Variants in CYLD observed in about 807,000 individuals in gnomAD.
CYLD encodes the protein ubiquitin carboxyl-terminal hydrolase CYLD.
CYLD carries 26 observed loss-of-function variants against 104.5 expected under a neutral mutation model. That is an observed-to-expected ratio of 0.25 (90% CI 0.18 to 0.35). The LOEUF is 0.35. Ranked by LOEUF, CYLD falls within the 10% of genes least tolerant of loss-of-function variation. The probability of loss-of-function intolerance (pLI) is 1.00; values close to 1 mark genes in which losing one functional copy is unlikely to be tolerated. For synonymous variants in CYLD, 385 were observed against 399.9 expected (o/e 0.96, Z 0.45); for missense variants, 703 against 1,136.1 (o/e 0.62, Z 5.48).
In CYLD at chr16:50,797,518, G is replaced by A; in HGVS notation, c.*1010G>A. The A allele has an allele frequency of 4.3e-6, 1 of 232,480 alleles. No individual in the cohort carries two copies. Among genetic ancestry groups the A allele is most frequent in the East Asian group, 6.1e-5 (1 of 16,516 alleles). 14.4% of individuals were successfully genotyped at this position (232,480 alleles called of 1,614,324 possible). A position where few individuals can be genotyped will look rare whatever the true frequency, so the allele number is the denominator to read the frequency against. On this transcript the variant is annotated 3_prime_UTR_variant, in exon 19 of 19. Coordinates refer to ENST00000427738, the MANE Select transcript of CYLD (RefSeq NM_001378743.1). ...ATAGAATCAGATATGTTATCGAAAT[G>A]TTAGCAGCAGCTTCATCCTCCTTCT...
chr16:50,751,342 C>T (rs956425481), intron 3 of CYLD, among the ~76,000 whole-genome samples: 3 of 152,154 alleles, frequency 2.0e-5, no homozygotes, highest in Non-Finnish European at 4.4e-5. Flanking sequence ...ATGTTAGAAT[C>T]ACAACGTGGA....
At chr16:50,743,404 T>C (rs775255858) in intron 2 of CYLD, among the ~76,000 whole-genome samples, 1 of 152,214 alleles carries the variant, frequency 6.6e-6, no homozygotes, top group Non-Finnish European at 1.5e-5. Context: ...GAAATTCTTA[T>C]TGAAGTAACA....
In CYLD at chr16:50,749,671, G is replaced by T. The variant is rs1439073337; in HGVS notation, c.-28G>T. 1.2e-6 allele frequency: 2 copies of T among 1,606,572 alleles called. No homozygotes were observed. Among genetic ancestry groups the T allele is most frequent in the South Asian group, 1.1e-5 (1 of 90,174 alleles). On this transcript the variant is annotated 5_prime_UTR_variant, in exon 3 of 19. It removes the in-frame stop codon of an upstream open reading frame in the 5' UTR. Coordinates refer to ENST00000427738, the MANE Select transcript of CYLD (RefSeq NM_001378743.1). ...AAGTTATTAGTAGTTTCCCTTTTTT[G>T]AATTAGTATTTTGAAGTTAATATCA...
At chr16:50,792,551 G>GT (rs775440880) in intron 15 of CYLD, 46 bp from the exon 16 acceptor site, 76 of 1,402,878 alleles carry the variant, frequency 5.4e-5, no homozygotes, top group Non-Finnish European at 6.2e-5. Context: ...AGGGAAAAGT[G>GT]TTTTTTTTAA....
At chr16:50,756,603 C>G (rs780061002) in intron 5 of CYLD, among the ~76,000 whole-genome samples, 1 of 152,154 alleles carries the variant, frequency 6.6e-6, no homozygotes, top group Non-Finnish European at 1.5e-5. Flanking sequence ...TAGTGGAACT[C>G]TCTGTGATAC....
intron 3 of CYLD, among the ~76,000 whole-genome samples, chr16:50,750,871 T>G (rs1295171371): frequency 6.6e-6 from 1 of 152,170 alleles, no homozygotes; most frequent in African/African-American, 2.4e-5. Context: ...TTGCAGAAAT[T>G]TAAACTTGCT....
intron 14 of CYLD, among the ~76,000 whole-genome samples, chr16:50,789,606 A>T (rs1371616168): frequency 3.9e-5 from 6 of 152,156 alleles, no homozygotes. Flanking sequence ...TCATATTGAG[A>T]ATCACTTTTT....
At position 50,796,313 on chromosome 16, in the gene CYLD, C is replaced by T; in HGVS notation, c.2687-11C>T. The T allele has an allele frequency of 6.2e-7, 1 of 1,613,962 alleles. No individual in the cohort carries two copies. On this transcript the variant is annotated splice_polypyrimidine_tract_variant and intron_variant, in intron 18 of 18. Transcript: ENST00000427738. ...GACTGCCCTATAAAGAGTTCTTCCT[C>T]TGTGCCATAGGTGGTCAGAATGGCT...
chr16:50,763,547 T>G (rs1386881331), intron 5 of CYLD, among the ~76,000 whole-genome samples: 1 of 152,208 alleles, frequency 6.6e-6, no homozygotes, highest in Non-Finnish European at 1.5e-5. Context: ...TTATCTGACT[T>G]TTTTATTCTA....
At position 50,750,126 on chromosome 16, in the gene CYLD, C is replaced by A. The variant is rs754799573; in HGVS notation, c.428C>A (p.Pro143His). The A allele has an allele frequency of 6.2e-7, 1 of 1,614,100 alleles. No individual in the cohort carries two copies. Among genetic ancestry groups the A allele is most frequent in the Non-Finnish European group, 8.5e-7 (1 of 1,179,986 alleles). Reference sequence around the variant, plus strand: ...CTGAGATCTGGGGAAGAAAAATTTCCTGGAGTTGTACGCTTCAGAGGACCC... The same window carrying A: ...CTGAGATCTGGGGAAGAAAAATTTCATGGAGTTGTACGCTTCAGAGGACCC... ...VQLRSGEEKF[P>H]GVVRFRGPLL... The change falls in exon 3 of 19, where the codon CCT (proline) becomes CAT (histidine). Residue 143 changes from proline (P) to histidine (H), a missense_variant. Pro to His is a moderately conservative substitution (Grantham distance 77). Transcript: ENST00000427738.
At chr16:50,750,342 T>A in intron 3 of CYLD, 140 bp downstream of exon 3, 1 of 983,542 alleles carries the variant, frequency 1.0e-6, no homozygotes. Flanking sequence ...ATATTCATCA[T>A]CCTTGCTGAT....
chr16:50,750,486 A>C (rs1247188389), intron 3 of CYLD, among the ~76,000 whole-genome samples: 1 of 152,202 alleles, frequency 6.6e-6, no homozygotes, highest in Non-Finnish European at 1.5e-5. Flanking sequence ...TTCCAAGCTT[A>C]ATATTCATTC....
intron 6 of CYLD, among the ~76,000 whole-genome samples, chr16:50,775,412 G>A (rs1199219804): frequency 6.6e-6 from 1 of 152,112 alleles, no homozygotes; most frequent in African/African-American, 2.4e-5. Context: ...TTATTGTTGT[G>A]TGTCTCTGGC....
intron 5 of CYLD, among the ~76,000 whole-genome samples, chr16:50,770,551 A>G (rs1969035096): frequency 6.6e-6 from 1 of 151,456 alleles, no homozygotes; most frequent in African/African-American, 2.4e-5. Flanking sequence ...CCTGGGTTCA[A>G]GTGATTCTCC....
rs1289148362 is a variant in CYLD, at chr16:50,782,543, CGTGTGAGTGTGT to C, written c.1826+81_1826+92del. 5 of 1,221,476 alleles carry C rather than the reference CGTGTGAGTGTGT, an allele frequency of 4.1e-6. No homozygotes were observed. In the African/African-American group the frequency reaches 7.4e-5, roughly 18 times the overall value. 75.7% of individuals were successfully genotyped at this position (1,221,476 alleles called of 1,614,324 possible). On this transcript the variant is annotated intron_variant, in intron 11 of 18. Transcript: ENST00000427738. Reference sequence around the variant, plus strand: ...ACATACCGGTGTGTGTGTGTGTGTGCGTGTGAGTGTGTGTGAAAGAAACTGCCATCTGCCTCT... The same window carrying C: ...ACATACCGGTGTGTGTGTGTGTGTGCGTGAAAGAAACTGCCATCTGCCTCT...
chr16:50,752,053 C>A, intron 4 of CYLD, 147 bp downstream of exon 4: 1 of 252,912 alleles, frequency 4.0e-6, no homozygotes, highest in Non-Finnish European at 6.8e-6. Context: ...GTTTTAGGAC[C>A]AATTTACTTG....
chr16:50,744,038 C>T (rs1004112614), intron 2 of CYLD, among the ~76,000 whole-genome samples: 1 of 152,154 alleles, frequency 6.6e-6, no homozygotes. Flanking sequence ...CAGTGCCTAG[C>T]ATATGCCAGG....
intron 16 of CYLD, 25 bp downstream of exon 16, chr16:50,792,730 G>A: frequency 1.7e-6 from 2 of 1,194,816 alleles, no homozygotes; most frequent in South Asian, 1.3e-5. Flanking sequence ...TTTTTAGTTT[G>A]TTTTGTTGGT....
intron 9 of CYLD, 79 bp from the exon 10 acceptor site, chr16:50,781,167 A>G: frequency 6.7e-7 from 1 of 1,490,210 alleles, no homozygotes; most frequent in Non-Finnish European, 9.3e-7. Flanking sequence ...TACTAGAAAC[A>G]GGTCTTAGAA....
Sources: allele counts gnomAD v4.1 joint callset (sites outside exome capture counted in the v4.1 genomes callset), GRCh38; gene constraint gnomAD v4.1.1; transcripts MANE v1.5; gene names NCBI Gene and HGNC (gene_info 2026-07-23, HGNC 2026-07-21).